ANKRD36C: variants seen among roughly 807,000 people sequenced by gnomAD.
The protein encoded by ANKRD36C is ankyrin repeat domain 36C.
ANKRD36C carries 61 observed loss-of-function variants against 276.4 expected under a neutral mutation model. The ratio of observed to expected loss-of-function variants is 0.22; its 90% confidence interval spans 0.18 to 0.27. The LOEUF is 0.27. Among genes scored for constraint, ANKRD36C ranks in the 10% least tolerant of loss-of-function variants. The probability of loss-of-function intolerance (pLI) is 1.00; values close to 1 mark genes in which losing one functional copy is unlikely to be tolerated. For synonymous variants in ANKRD36C, 483 were observed against 680.1 expected, an observed-to-expected ratio of 0.71 and a Z score of 4.51; for missense variants, 1,447 against 2,032.3, an observed-to-expected ratio of 0.71 and a Z score of 5.54.
chr2:95,851,141 T>A (rs563007125), downstream of ANKRD36C: 1 of 1,562,550 alleles, frequency 6.4e-7, no homozygotes, highest in East Asian at 2.3e-5. Flanking sequence ...GATTGGAATT[T>A]AATTCATAAA....
chr2:95,921,332 C>G (rs1677261731), intron 34 of ANKRD36C, among the ~76,000 whole-genome samples: 1 of 151,008 alleles, frequency 6.6e-6, no homozygotes, highest in Non-Finnish European at 1.5e-5. Flanking sequence ...CTATGCTGTT[C>G]CCCAGAGCCC....
intron 40 of ANKRD36C, among the ~76,000 whole-genome samples, chr2:95,912,781 A>G (rs1305804237): frequency 5.3e-5 from 8 of 151,488 alleles, no homozygotes; most frequent in Admixed American, 3.3e-4. Context: ...CAATGTCAGA[A>G]CAGGTGCTAT....
In ANKRD36C at chr2:95,973,615, G is replaced by A. The variant is rs1226085588; in HGVS notation, c.799+4507C>T. On this transcript the variant is annotated intron_variant, in intron 6 of 66. Coordinates refer to ENST00000456556, the Ensembl canonical transcript of ANKRD36C. ...TAAAACTAAAAATCATCTGTTAAGGGCAGTTCTTCATAGAACAGGTCGAAA... is the reference window on the plus strand; with the variant it reads ...TAAAACTAAAAATCATCTGTTAAGGACAGTTCTTCATAGAACAGGTCGAAA... Among the ~76,000 whole-genome samples, 3 of 152,074 alleles carry A rather than the reference G, an allele frequency of 2.0e-5. No individual in the cohort carries two copies. In the East Asian group the frequency reaches 5.8e-4, roughly 29 times the overall value.
intron 5 of ANKRD36C, among the ~76,000 whole-genome samples, chr2:95,980,190 T>C (rs567755927): frequency 1.3e-5 from 2 of 152,184 alleles, no homozygotes; most frequent in African/African-American, 2.4e-5. Context: ...TAGACACTGA[T>C]TGTCTTCCTT....
chr2:95,917,921 T>C, exon 36 of ANKRD36C: 3 of 1,607,004 alleles, frequency 1.9e-6, no homozygotes, highest in Non-Finnish European at 2.5e-6. Flanking sequence ...TCCTCGTCAG[T>C]TGTAGCCTGA....
chr2:95,962,221 T>C, intron 8 of ANKRD36C, 131 bp downstream of exon 8: 2 of 1,160,176 alleles, frequency 1.7e-6, no homozygotes, highest in Non-Finnish European at 2.4e-6. Context: ...AAGAACTTAT[T>C]ACAAAAGCAG....
intron 3 of ANKRD36C, among the ~76,000 whole-genome samples, chr2:95,983,735 G>A (rs1678970817): frequency 6.6e-6 from 1 of 151,590 alleles, no homozygotes; most frequent in South Asian, 2.1e-4. Flanking sequence ...TCCTGCCTCA[G>A]CCTCCCGAGT....
intron 6 of ANKRD36C, among the ~76,000 whole-genome samples, chr2:95,969,053 C>G (rs974609960): frequency 6.6e-6 from 1 of 152,144 alleles, no homozygotes; most frequent in African/African-American, 2.4e-5. Context: ...ATACAGCTAC[C>G]TGGATGCTCT....
chr2:95,972,734 T>G (rs1300423459), intron 6 of ANKRD36C, among the ~76,000 whole-genome samples: 1 of 152,220 alleles, frequency 6.6e-6, no homozygotes, highest in Non-Finnish European at 1.5e-5. Context: ...ACAGTTGCCT[T>G]TGAGATTCCT....
At chr2:95,964,291 C>T (rs983954652) in intron 6 of ANKRD36C, among the ~76,000 whole-genome samples, 1 of 151,506 alleles carries the variant, frequency 6.6e-6, no homozygotes, top group African/African-American at 2.4e-5. Flanking sequence ...AGAAATGAAA[C>T]CCTGTGGGTC....
intron 44 of ANKRD36C, among the ~76,000 whole-genome samples, chr2:95,892,113 C>T (rs999878291): frequency 6.6e-6 from 1 of 151,422 alleles, no homozygotes; most frequent in East Asian, 1.9e-4. Context: ...AAAATAAAAC[C>T]GTGTCAATAT....
At chr2:95,972,762 A>C (rs1678724061) in intron 6 of ANKRD36C, among the ~76,000 whole-genome samples, 1 of 152,226 alleles carries the variant, frequency 6.6e-6, no homozygotes, top group Admixed American at 6.5e-5. Context: ...CGCATGAATA[A>C]ATCCATAAAG....
chr2:95,883,054 GTATACAA>G (rs986303686), intron 54 of ANKRD36C, among the ~76,000 whole-genome samples: 8 of 152,072 alleles, frequency 5.3e-5, no homozygotes, highest in African/African-American at 1.7e-4. Flanking sequence ...GGATAATCCT[GTATACAA>G]TATTCTTCAT....
At chr2:95,946,156 GAAAAA>G (rs56964568) in intron 17 of ANKRD36C, among the ~76,000 whole-genome samples, 17 of 73,300 alleles carry the variant, frequency 2.3e-4, no homozygotes, top group East Asian at 8.9e-4. Context: ...ACAGAGAGAG[GAAAAA>G]AAAAAAAAAA....
chr2:95,959,668 C>G (rs867133072), intron 10 of ANKRD36C, among the ~76,000 whole-genome samples: 3 of 152,166 alleles, frequency 2.0e-5, no homozygotes, highest in African/African-American at 7.2e-5. Context: ...TCATGTCATT[C>G]TCTAAAGTAT....
chr2:95,914,129 C>G (rs745658501), exon 40 of ANKRD36C: 3 of 1,576,710 alleles, frequency 1.9e-6, no homozygotes, highest in African/African-American at 1.3e-5. Flanking sequence ...TTTTCTCCAT[C>G]CTCTTTTCCT....
chr2:95,876,670 T>C (rs1675963966), intron 58 of ANKRD36C, among the ~76,000 whole-genome samples, 158 bp from the exon 79 acceptor site: 2 of 150,746 alleles, frequency 1.3e-5, no homozygotes. Context: ...GCTAACAAGG[T>C]GAAACCCCGT....
chr2:95,902,776 T>G, intron 42 of ANKRD36C, 110 bp downstream of exon 54: 3 of 1,300,272 alleles, frequency 2.3e-6, no homozygotes, highest in Non-Finnish European at 3.1e-6. Flanking sequence ...ATCTCAGGAC[T>G]GCTGAATCAG....
At chr2:95,867,111 A>G (rs1814510) in intron 60 of ANKRD36C, among the ~76,000 whole-genome samples, 23 of 152,324 alleles carry the variant, frequency 1.5e-4, no homozygotes, top group African/African-American at 3.6e-4. Context: ...GGAATAGTAG[A>G]AAAGACAGTT....
Sources: gnomAD v4.1 joint callset for allele counts (sites outside exome capture counted in the v4.1 genomes callset) on GRCh38, gnomAD v4.1.1 for gene constraint, MANE v1.5 for transcripts, NCBI Gene and HGNC (gene_info 2026-07-23, HGNC 2026-07-21) for gene names.